Variants in RASSF3 observed in about 807,000 individuals in gnomAD.
RASSF3 encodes the protein ras association domain-containing protein 3.
Under a neutral mutation model 19.9 loss-of-function variants are expected in RASSF3, and 19 were observed. The ratio of observed to expected loss-of-function variants is 0.96; its 90% CI spans 0.67 to 1.40. The LOEUF is 1.40. RASSF3 is among the 40% of genes most tolerant of loss of function. The pLI, the probability that RASSF3 is intolerant of heterozygous loss-of-function variation, is 0.00. For synonymous variants in RASSF3, 110 were observed against 104.2 expected, an observed-to-expected ratio of 1.06 and a Z score of -0.34; for missense variants, 306 against 289.8, an observed-to-expected ratio of 1.06 and a Z score of -0.41.
chr12:64,623,518 G>T (rs2136166286), intron 1 of RASSF3, among the ~76,000 whole-genome samples: 1 of 152,324 alleles, frequency 6.6e-6, no homozygotes, highest in South Asian at 2.1e-4. Flanking sequence ...ATGGTATAAA[G>T]AAACAATATT....
chr12:64,665,157 A>G lies in RASSF3; in HGVS notation c.112-19630A>G, dbSNP rs1872505502. Among the ~76,000 whole-genome samples, 2 of 152,220 alleles carry G rather than the reference A, an allele frequency of 1.3e-5. 1 individual carries two copies. The highest frequency in any genetic ancestry group is 2.9e-5 in the Non-Finnish European group (2 of 68,034). On this transcript the variant is annotated intron_variant, in intron 1 of 4. Coordinates refer to ENST00000542104, the MANE Select transcript of RASSF3 (RefSeq NM_178169.4). ...CGCAGTGGAAGGTTCTAGGAGTTGCATGGATCTGGGTTAGAATCTCAGTGC... is the reference window on the plus strand; with the variant it reads ...CGCAGTGGAAGGTTCTAGGAGTTGCGTGGATCTGGGTTAGAATCTCAGTGC...
At chr12:64,544,123 C>T (rs892349263), downstream of RASSF3, among the ~76,000 whole-genome samples, 8 of 152,132 alleles carry the variant, frequency 5.3e-5, no homozygotes, top group Non-Finnish European at 8.8e-5. Context: ...TGCAATAAAT[C>T]CTGGTACTGC....
chr12:64,632,649 G>C (rs982918847), intron 1 of RASSF3, among the ~76,000 whole-genome samples: 10 of 152,168 alleles, frequency 6.6e-5, no homozygotes, highest in African/African-American at 2.4e-4. Context: ...ATGCCACTGT[G>C]GAATGGGGAG....
rs890419338 is a variant in RASSF3, at chr12:64,526,461, C to A, written c.170-15120C>A. On this transcript the variant is annotated intron_variant, in intron 1 of 5. Transcript: ENST00000637125. ...GTCCTTTGACCAATATCTCCCCTAA[C>A]CCCTCCCAACCCCCAGCCTTTGGTA... 5.9e-5 allele frequency among the ~76,000 whole-genome samples: 9 copies of A among 152,114 alleles called. 1 individual carries two copies. Among genetic ancestry groups the A allele is most frequent in the Admixed American group, 2.6e-4 (4 of 15,270 alleles).
chr12:64,679,805 A>G (rs1030508518), intron 1 of RASSF3, among the ~76,000 whole-genome samples: 4 of 152,190 alleles, frequency 2.6e-5, no homozygotes, highest in African/African-American at 7.2e-5. Flanking sequence ...GGGGAATACA[A>G]AACAAAACTG....
chr12:64,610,212 C>T (rs932967638), upstream of RASSF3, among the ~76,000 whole-genome samples: 1 of 152,148 alleles, frequency 6.6e-6, no homozygotes, highest in African/African-American at 2.4e-5. Context: ...TTGCAGTTTC[C>T]GGGAGGTTGA....
At chr12:64,522,622 C>T (rs1483136722) in intron 1 of RASSF3, among the ~76,000 whole-genome samples, 2 of 152,074 alleles carry the variant, frequency 1.3e-5, no homozygotes, top group Admixed American at 6.6e-5. Flanking sequence ...GATTTTTTTA[C>T]TAAGAGGATT....
At chr12:64,680,233 T>G (rs1873072554) in intron 1 of RASSF3, among the ~76,000 whole-genome samples, 1 of 151,954 alleles carries the variant, frequency 6.6e-6, no homozygotes. Context: ...AATTGGAAAG[T>G]TTTTAGAGTT....
intron 2 of RASSF3, among the ~76,000 whole-genome samples, chr12:64,557,573 A>G (rs1869275377): frequency 6.6e-6 from 1 of 152,040 alleles, no homozygotes; most frequent in East Asian, 1.9e-4. Flanking sequence ...AGTTGTAGGG[A>G]TGGGAAGCAC....
chr12:64,610,594 G>A lies in RASSF3; in HGVS notation c.-39G>A, dbSNP rs747271156. The A allele has an allele frequency of 9.7e-6, 13 of 1,340,966 alleles. No homozygotes were observed. Among genetic ancestry groups the A allele is most frequent in the Non-Finnish European group, 1.3e-5 (13 of 1,007,638 alleles). 83.1% of individuals were successfully genotyped at this position (1,340,966 alleles called of 1,614,324 possible). On this transcript the variant is annotated 5_prime_UTR_variant, in exon 1 of 5. Transcript: ENST00000542104. ...CCGCACCCCCTCCCTGGCCGCCTGC[G>A]CCCCGGGGAGGCCGCCCGCGCGCGA... is the stretch of plus-strand genomic sequence containing the variant.
At chr12:64,635,330 A>C (rs1050707783) in intron 1 of RASSF3, among the ~76,000 whole-genome samples, 4 of 151,954 alleles carry the variant, frequency 2.6e-5, no homozygotes, top group Non-Finnish European at 5.9e-5. Context: ...TTATAGTATC[A>C]CACATTTATT....
At chr12:64,514,805 C>T (rs1274051961) in intron 1 of RASSF3, among the ~76,000 whole-genome samples, 2 of 152,050 alleles carry the variant, frequency 1.3e-5, no homozygotes, top group East Asian at 1.9e-4. Context: ...TTATAGCTGC[C>T]CTGTGTCCCT....
At chr12:64,640,842 A>G (rs924543463) in intron 1 of RASSF3, among the ~76,000 whole-genome samples, 3 of 151,696 alleles carry the variant, frequency 2.0e-5, no homozygotes, top group African/African-American at 7.3e-5. Flanking sequence ...GGTCCTCACT[A>G]TGTTGCTCAG....
chr12:64,516,097 T>C (rs1868362704), intron 1 of RASSF3, among the ~76,000 whole-genome samples: 1 of 152,230 alleles, frequency 6.6e-6, no homozygotes, highest in Admixed American at 6.5e-5. Context: ...CATATATTTC[T>C]GAGTATTTTT....
chr12:64,685,685 G>T (rs1482910238), intron 2 of RASSF3, among the ~76,000 whole-genome samples: 1 of 152,208 alleles, frequency 6.6e-6, no homozygotes, highest in Non-Finnish European at 1.5e-5. Context: ...TTTCTTCCAC[G>T]TCGCTGTCGC....
intron 3 of RASSF3, among the ~76,000 whole-genome samples, chr12:64,689,946 G>A (rs1234558395): frequency 6.6e-6 from 1 of 150,458 alleles, no homozygotes; most frequent in African/African-American, 2.4e-5. Context: ...CCGCCACCAC[G>A]TCTGGCTAAT....
intron 2 of RASSF3, among the ~76,000 whole-genome samples, chr12:64,604,281 A>G: frequency 6.6e-6 from 1 of 151,754 alleles, no homozygotes; most frequent in Non-Finnish European, 1.5e-5. Context: ...ATACACCACC[A>G]TGCCCGGCTA....
At chr12:64,575,902 T>A (rs1869587569) in intron 2 of RASSF3, among the ~76,000 whole-genome samples, 1 of 149,248 alleles carries the variant, frequency 6.7e-6, no homozygotes, top group Admixed American at 6.7e-5. Flanking sequence ...TTTTTTTTTC[T>A]TTTTGAGACG....
intron 2 of RASSF3, among the ~76,000 whole-genome samples, chr12:64,594,287 T>A (rs1377345775): frequency 6.6e-6 from 1 of 151,990 alleles, no homozygotes; most frequent in South Asian, 2.1e-4. Context: ...TGAGCTATGA[T>A]TGCACCCCTG....
Sources: allele counts gnomAD v4.1 joint callset (sites outside exome capture counted in the v4.1 genomes callset), GRCh38; gene constraint gnomAD v4.1.1; transcripts MANE v1.5; gene names NCBI Gene and HGNC (gene_info 2026-07-23, HGNC 2026-07-21).